Variants in CTH observed in about 807,000 individuals in gnomAD.
CTH encodes cystathionine gamma-lyase, also known as cystathionase (cystathionine gamma-lyase).
In CTH, 41 loss-of-function variants were observed where a neutral mutation model predicts 50.6. That is an observed-to-expected ratio of 0.81 (90% CI 0.63 to 1.05). The LOEUF is 1.05. Ranked by LOEUF, CTH falls within the 50% of genes least tolerant of loss-of-function variation. The pLI, the probability that CTH is intolerant of heterozygous loss-of-function variation, is 0.00. For missense variants in CTH, 470 were observed against 492.6 expected (o/e 0.95, Z 0.43); for synonymous variants, 156 against 168.9 (o/e 0.92, Z 0.59).
Position 70,424,288 on chromosome 1 carries a change from G to A in CTH, c.460G>A (p.Val154Ile), listed in dbSNP as rs774414366. ...GTTATTTGCTGAATTATTTTAGCTT[G>A]TTTGGATCGAAACCCCCACAAACCC... The part of the protein sequence containing the change: ...EAAITPETKL[V>I]WIETPTNPTQ... The change falls in exon 5 of 12, where the codon GTT becomes ATT. Residue 154 changes from valine (V) to isoleucine (I), a missense_variant. Transcript: ENST00000370938. 2 of 1,614,016 alleles carry A rather than the reference G, an allele frequency of 1.2e-6. No individual in the cohort carries two copies. The highest frequency in any genetic ancestry group is 3.3e-5 in the Admixed American group (2 of 60,006).
Position 70,439,711 on chromosome 1 carries a change from A to T in CTH, c.*584A>T, listed in dbSNP as rs1167629739. On this transcript the variant is annotated 3_prime_UTR_variant, in exon 12 of 12. Transcript: ENST00000370938. ...TGTAATGCCAGCACTTTTGGAGGATAAGGCGGGCGGATCACGAGGTCAGGA... is the reference window on the plus strand; with the variant it reads ...TGTAATGCCAGCACTTTTGGAGGATTAGGCGGGCGGATCACGAGGTCAGGA... The T allele has an allele frequency of 6.5e-6, 1 of 154,682 alleles. No individual in the cohort carries two copies. The highest frequency in any genetic ancestry group is 2.4e-5 in the African/African-American group (1 of 41,470). 9.6% of individuals were successfully genotyped at this position (154,682 alleles called of 1,614,324 possible).
rs149453624 is a variant in CTH at position 70,426,062 on chromosome 1, G to A, written c.588+1646G>A. On this transcript the variant is annotated intron_variant, in intron 5 of 11. Coordinates refer to ENST00000370938, the MANE Select transcript of CTH (RefSeq NM_001902.6). ...GCAGCTCTCTTTAAAGATTTCTTTC[G>A]CTACCTAGCCCCCTCTGCATTTGTT... 1.2e-3 allele frequency among the ~76,000 whole-genome samples: 184 copies of A among 152,140 alleles called. 1 individual carries two copies. The highest frequency in any genetic ancestry group is 4.1e-3 in the African/African-American group (169 of 41,496).
intron 2 of CTH, among the ~76,000 whole-genome samples, chr1:70,417,444 C>T (rs1206931029): frequency 1.3e-5 from 2 of 152,040 alleles, no homozygotes; most frequent in Non-Finnish European, 2.9e-5. Flanking sequence ...GCCACCATGC[C>T]TGGCTAATTT....
chr1:70,421,571 A>T lies in CTH; in HGVS notation c.352A>T (p.Asn118Tyr). 6.2e-7 allele frequency: 1 copy of T among 1,613,876 alleles called. No individual in the cohort carries two copies. The highest frequency in any genetic ancestry group is 1.7e-4 in the Middle Eastern group (1 of 6,058). ...ICMDDVYGGT[N>Y]RYFRQVASEF... is the part of the protein sequence containing the mutation. ...CTGATTCCCTTCTGTCTCAGGTACA[A>T]ACAGGTACTTCAGGCAAGTGGCATC... The change falls in exon 4 of 12, where the codon AAC (asparagine) becomes TAC (tyrosine). Residue 118 changes from asparagine (N) to tyrosine (Y), a missense_variant. Coordinates refer to ENST00000370938, the MANE Select transcript of CTH (RefSeq NM_001902.6).
At chr1:70,419,532 G>T (rs934584272) in intron 3 of CTH, among the ~76,000 whole-genome samples, 1 of 152,128 alleles carries the variant, frequency 6.6e-6, no homozygotes, top group African/African-American at 2.4e-5. Context: ...GGTGTGAGAT[G>T]GTATCTCACT....
rs748701436 is a variant in CTH at position 70,432,239 on chromosome 1, T to G, written c.877+4T>G. The G allele has an allele frequency of 4.0e-5, 65 of 1,614,010 alleles. No homozygotes were observed. The highest frequency in any genetic ancestry group is 5.4e-5 in the Non-Finnish European group (64 of 1,179,976). On this transcript the variant is annotated splice_donor_region_variant and intron_variant, in intron 8 of 11. Coordinates refer to ENST00000370938, the MANE Select transcript of CTH (RefSeq NM_001902.6). Reference sequence around the variant, plus strand: ...GTAGAAAAGGTTATTTATCCTGGTATGTTAATTTGATTTCTAAGCAGATCT... The same window carrying G: ...GTAGAAAAGGTTATTTATCCTGGTAGGTTAATTTGATTTCTAAGCAGATCT...
intron 1 of CTH, among the ~76,000 whole-genome samples, chr1:70,414,191 G>T (rs79061481): frequency 0.031 from 4,744 of 151,636 alleles, 224 homozygotes; most frequent in African/African-American, 0.11. Context: ...TGGTGGGGAG[G>T]GGTAAGGATA....
Position 70,411,555 on chromosome 1 carries a change from T to C in CTH, c.140T>C (p.Phe47Ser). ...CCCCCCATCTCACTGTCCACCACGT[T>C]CAAGCAAGGGGCGCCTGGCCAGCAC... ...VVPPISLSTTFKQGAPGQHSG... is the reference protein window; with the variant it reads ...VVPPISLSTTSKQGAPGQHSG... The change falls in exon 1 of 12, where the codon TTC becomes TCC. Residue 47 changes from phenylalanine (F) to serine (S), a missense_variant. Physicochemically the swap from Phe to Ser is radical, Grantham distance 155 (BLOSUM62 -2). Transcript: ENST00000370938. The C allele has an allele frequency of 6.2e-7, 1 of 1,614,044 alleles. No homozygotes were observed. The highest frequency in any genetic ancestry group is 8.5e-7 in the Non-Finnish European group (1 of 1,179,942).
intron 3 of CTH, among the ~76,000 whole-genome samples, chr1:70,419,354 G>A (rs552763570): frequency 6.6e-6 from 1 of 152,272 alleles, no homozygotes; most frequent in East Asian, 1.9e-4. Context: ...TGGGATGGCT[G>A]GGTCAAATGG....
chr1:70,438,958 C>A (rs926016396), intron 11 of CTH, 132 bp downstream of exon 11: 45 of 1,577,098 alleles, frequency 2.9e-5, no homozygotes, highest in Non-Finnish European at 3.7e-5. Context: ...TGTAATAGAC[C>A]AGGTGTATAA....
intron 8 of CTH, among the ~76,000 whole-genome samples, chr1:70,433,152 C>G (rs1684517842): frequency 6.6e-6 from 1 of 151,954 alleles, no homozygotes; most frequent in Non-Finnish European, 1.5e-5. Context: ...TTTTTAGATC[C>G]TTTTGAGGGT....
chr1:70,422,463 G>A (rs1221904459), intron 4 of CTH, among the ~76,000 whole-genome samples: 2 of 152,144 alleles, frequency 1.3e-5, no homozygotes, highest in Admixed American at 6.5e-5. Context: ...TGCAATGAAT[G>A]CTAAAAAATA....
chr1:70,415,222 TA>T (rs1285891878), intron 1 of CTH, among the ~76,000 whole-genome samples: 1 of 152,088 alleles, frequency 6.6e-6, no homozygotes, highest in East Asian at 1.9e-4. Context: ...GCAACATAGC[TA>T]GACTGCCTCT....
chr1:70,422,853 G>A (rs112699836), intron 4 of CTH, among the ~76,000 whole-genome samples: 189 of 151,996 alleles, frequency 1.2e-3, no homozygotes, highest in African/African-American at 4.3e-3. Context: ...CTTGTGATCC[G>A]CCTGCCTCAG....
At chr1:70,414,427 G>A (rs1684043611) in intron 1 of CTH, among the ~76,000 whole-genome samples, 1 of 151,858 alleles carries the variant, frequency 6.6e-6, no homozygotes, top group Admixed American at 6.6e-5. Flanking sequence ...CAGGAGAATC[G>A]CTTGAACCCG....
intron 5 of CTH, among the ~76,000 whole-genome samples, chr1:70,426,311 T>G (rs1406548119): frequency 1.3e-5 from 2 of 152,228 alleles, no homozygotes; most frequent in African/African-American, 4.8e-5. Flanking sequence ...CCTGCTCTTT[T>G]CTTCCTGCCT....
In CTH at chr1:70,417,987, T is replaced by C. The variant is rs759576520; in HGVS notation, c.301T>C (p.Leu101=). ...LAATVTITHL[L]KAGDQIICMD... is the part of the protein sequence containing the mutation. ...AGCCACTGTAACTATTACCCATCTT[T>C]TAAAAGCAGGAGACCAAATTATTTG... The change falls in exon 3 of 12, where the codon TTA becomes CTA. Residue 101 remains leucine, a synonymous_variant. Transcript: ENST00000370938. The C allele has an allele frequency of 6.2e-7, 1 of 1,614,152 alleles. No individual in the cohort carries two copies. The highest frequency in any genetic ancestry group is 8.5e-7 in the Non-Finnish European group (1 of 1,180,006).
chr1:70,422,736 C>T (rs571469082), intron 4 of CTH, among the ~76,000 whole-genome samples: 11 of 151,884 alleles, frequency 7.2e-5, no homozygotes, highest in East Asian at 3.9e-4. Flanking sequence ...CTCAGCCTAC[C>T]GAGTAGCTGG....
intron 10 of CTH, 144 bp from the exon 11 acceptor site, chr1:70,438,543 CT>C: frequency 1.2e-6 from 1 of 807,618 alleles, no homozygotes; most frequent in Non-Finnish European, 2.1e-6. Flanking sequence ...GTAATTTTCT[CT>C]TTTTTTGCCT....
Sources: gnomAD v4.1 joint callset for allele counts (sites outside exome capture counted in the v4.1 genomes callset) on GRCh38, gnomAD v4.1.1 for gene constraint, MANE v1.5 for transcripts, NCBI Gene and HGNC (gene_info 2026-07-23, HGNC 2026-07-21) for gene names.